SEMA5A: variants seen among roughly 807,000 people sequenced by gnomAD.
SEMA5A encodes the protein semaphorin-5A.
A neutral mutation model predicts 135.5 loss-of-function variants in SEMA5A; 55 were observed. The observed-to-expected ratio is 0.41, with a 90% CI of 0.33 to 0.51. SEMA5A has a LOEUF of 0.51. Ranked by LOEUF, SEMA5A falls within the 20% of genes least tolerant of loss-of-function variation. SEMA5A has a pLI of 0.37. For synonymous variants in SEMA5A, 580 were observed against 546.5 expected, an observed-to-expected ratio of 1.06 and a Z score of -0.85; for missense variants, 1,290 against 1,419.9, an observed-to-expected ratio of 0.91 and a Z score of 1.47.
intron 2 of SEMA5A, among the ~76,000 whole-genome samples, chr5:9,434,078 A>T (rs1258357471): frequency 1.3e-5 from 2 of 152,178 alleles, no homozygotes; most frequent in Non-Finnish European, 2.9e-5. Flanking sequence ...TTTCATGTTC[A>T]TTTCAGCATG....
chr5:9,350,559 T>A (rs2150748781), intron 3 of SEMA5A, among the ~76,000 whole-genome samples: 1 of 152,318 alleles, frequency 6.6e-6, no homozygotes, highest in African/African-American at 2.4e-5. Flanking sequence ...TGCATCTGGT[T>A]GACTTCAGGA....
At chr5:9,457,836 G>A (rs1758898415) in intron 1 of SEMA5A, among the ~76,000 whole-genome samples, 1 of 150,326 alleles carries the variant, frequency 6.7e-6, no homozygotes. Context: ...AGGGTCACAG[G>A]ATAAGATTTT....
chr5:9,224,378 A>C (rs1043673697), intron 8 of SEMA5A, among the ~76,000 whole-genome samples: 3 of 141,680 alleles, frequency 2.1e-5, no homozygotes, highest in African/African-American at 8.0e-5. Context: ...ACAAGCTGTC[A>C]AATTTTCTAG....
At chr5:9,091,967 T>A (rs149897993) in intron 16 of SEMA5A, among the ~76,000 whole-genome samples, 3 of 152,314 alleles carry the variant, frequency 2.0e-5, no homozygotes, top group Non-Finnish European at 4.4e-5. Context: ...AGCTTAAAGT[T>A]ATGAGCTTGA....
chr5:9,047,714 C>A (rs1736345802), intron 21 of SEMA5A, among the ~76,000 whole-genome samples: 1 of 152,150 alleles, frequency 6.6e-6, no homozygotes, highest in African/African-American at 2.4e-5. Flanking sequence ...TGTTTTCAAC[C>A]ATTAGCCCTA....
intron 1 of SEMA5A, among the ~76,000 whole-genome samples, chr5:9,488,470 A>G (rs556900647): frequency 6.6e-6 from 1 of 152,198 alleles, no homozygotes; most frequent in Admixed American, 6.5e-5. Flanking sequence ...TTGAACTATC[A>G]TATTCTACCA....
At position 9,384,713 on chromosome 5, in the gene SEMA5A, T is replaced by TAGATAGAC. The variant is rs1398018087; in HGVS notation, c.-77-4691_-77-4690insGTCTATCT. 1.4e-3 allele frequency among the ~76,000 whole-genome samples: 138 copies of TAGATAGAC among 100,832 alleles called. 5 individuals carry two copies. The highest frequency in any genetic ancestry group is 3.3e-3 in the African/African-American group (77 of 23,242). 66.1% of individuals were successfully genotyped at this position (100,832 alleles called of 152,430 possible). On this transcript the variant is annotated intron_variant, in intron 2 of 22. Coordinates refer to ENST00000382496, the MANE Select transcript of SEMA5A (RefSeq NM_003966.3). Reference sequence around the variant, plus strand: ...ATAGATAGATAGATAGATAGATAGATAGACAGACAGACAGACAGACAGACA... The same window carrying TAGATAGAC: ...ATAGATAGATAGATAGATAGATAGATAGATAGACAGACAGACAGACAGACAGACAGACA...
rs1296542245 is a variant in SEMA5A, at chr5:9,035,712, T to C, written c.*7185A>G. 6.6e-6 allele frequency: 1 copy of C among 152,148 alleles called. No individual in the cohort carries two copies. Among genetic ancestry groups the C allele is most frequent in the African/African-American group, 2.4e-5 (1 of 41,424 alleles). 9.4% of individuals were successfully genotyped at this position (152,148 alleles called of 1,614,324 possible). ...TTTTGAAGAATATCAATGCTTCAAA[T>C]GTAAGGATTGAAAGAAAGTGTGGTG... On this transcript the variant is annotated 3_prime_UTR_variant, in exon 23 of 23. Coordinates refer to ENST00000382496, the MANE Select transcript of SEMA5A (RefSeq NM_003966.3).
At chr5:9,328,811 G>A (rs3777331) in intron 4 of SEMA5A, among the ~76,000 whole-genome samples, 24,908 of 151,968 alleles carry the variant, frequency 0.16, 2,320 homozygotes, top group African/African-American at 0.25. Flanking sequence ...CATTACTTCC[G>A]GAAAGTGGAA....
intron 11 of SEMA5A, among the ~76,000 whole-genome samples, chr5:9,184,635 T>TTACTCTTGTAGTAGAATATTC (rs1344030300): frequency 3.9e-5 from 6 of 152,262 alleles, no homozygotes; most frequent in African/African-American, 1.4e-4. Context: ...AATTTAATTT[T>TTACTCTTGTAGTAGAATATTC]TACTCTTGTA....
At position 9,193,122 on chromosome 5, in the gene SEMA5A, A is replaced by G. The variant is rs1579580815; in HGVS notation, c.1069-2651T>C. 2.6e-5 allele frequency among the ~76,000 whole-genome samples: 4 copies of G among 152,332 alleles called. No homozygotes were observed. In the Middle Eastern group the frequency reaches 0.01, roughly 389 times the overall value. ...TACTTCTTGGTTTATTTTGCTGGCT[A>G]TAATATTCCACCCAGTGCTTCTATT... is the stretch of plus-strand genomic sequence containing the variant. On this transcript the variant is annotated intron_variant, in intron 10 of 22. Coordinates refer to ENST00000382496, the MANE Select transcript of SEMA5A (RefSeq NM_003966.3).
intron 3 of SEMA5A, among the ~76,000 whole-genome samples, chr5:9,371,754 G>A (rs1275706161): frequency 6.6e-6 from 1 of 152,080 alleles, no homozygotes; most frequent in African/African-American, 2.4e-5. Context: ...GGATATTTAA[G>A]GATCCATAAC....
intron 18 of SEMA5A, among the ~76,000 whole-genome samples, 178 bp downstream of exon 18, chr5:9,062,709 C>G (rs906688601): frequency 2.0e-5 from 3 of 152,216 alleles, no homozygotes; most frequent in Non-Finnish European, 2.9e-5. Flanking sequence ...GATTCCCCCT[C>G]TCTGGCCTCA....
chr5:9,315,494 C>T (rs747930730), intron 5 of SEMA5A, among the ~76,000 whole-genome samples: 1 of 152,112 alleles, frequency 6.6e-6, no homozygotes, highest in Non-Finnish European at 1.5e-5. Flanking sequence ...AATATATCTG[C>T]TGCAAGATTC....
chr5:9,161,481 A>G (rs766241177), intron 11 of SEMA5A, among the ~76,000 whole-genome samples: 1 of 152,266 alleles, frequency 6.6e-6, no homozygotes, highest in Non-Finnish European at 1.5e-5. Context: ...AGGTTTCCAA[A>G]AAAATTATGT....
intron 6 of SEMA5A, among the ~76,000 whole-genome samples, chr5:9,228,748 G>A (rs543067896): frequency 1.8e-4 from 28 of 152,348 alleles, no homozygotes; most frequent in African/African-American, 6.0e-4. Flanking sequence ...ACGCCATGGC[G>A]AATGAATGAC....
intron 16 of SEMA5A, 60 bp downstream of exon 16, chr5:9,108,080 T>C (rs1740017932): frequency 6.4e-7 from 1 of 1,573,328 alleles, no homozygotes; most frequent in Admixed American, 1.8e-5. Context: ...ATTTTGTGTG[T>C]ATTGAGTCTG....
chr5:9,136,341 T>C (rs1741741746), intron 13 of SEMA5A, among the ~76,000 whole-genome samples, 163 bp downstream of exon 13: 1 of 152,212 alleles, frequency 6.6e-6, no homozygotes, highest in Non-Finnish European at 1.5e-5. Flanking sequence ...CGTGGCCCTG[T>C]GCAAGCCAAG....
intron 3 of SEMA5A, among the ~76,000 whole-genome samples, chr5:9,344,282 A>G (rs760577762): frequency 6.6e-6 from 1 of 152,234 alleles, no homozygotes; most frequent in Non-Finnish European, 1.5e-5. Flanking sequence ...ATATCCAAAC[A>G]TGACATAAGG....
Sources: gnomAD v4.1 joint callset for allele counts (sites outside exome capture counted in the v4.1 genomes callset) on GRCh38, gnomAD v4.1.1 for gene constraint, MANE v1.5 for transcripts, NCBI Gene and HGNC (gene_info 2026-07-23, HGNC 2026-07-21) for gene names.